Variants in SLC24A3 observed in about 807,000 individuals in gnomAD.
SLC24A3 encodes the protein sodium/potassium/calcium exchanger 3.
Under a neutral mutation model 75.8 loss-of-function variants are expected in SLC24A3, and 28 were observed. That is an observed-to-expected ratio of 0.37 (90% CI 0.27 to 0.51). The LOEUF is 0.51. Among genes scored for constraint, SLC24A3 ranks in the 20% least tolerant of loss-of-function variants. The pLI is 0.94. For missense variants in SLC24A3, 663 were observed against 847.8 expected, an observed-to-expected ratio of 0.78 and a Z score of 2.71; for synonymous variants, 372 against 334.1, an observed-to-expected ratio of 1.11 and a Z score of -1.24.
intron 3 of SLC24A3, among the ~76,000 whole-genome samples, chr20:19,558,477 A>C (rs1358113673): frequency 6.6e-6 from 1 of 152,090 alleles, no homozygotes; most frequent in Non-Finnish European, 1.5e-5. Context: ...AAACTTCACC[A>C]GTTTTCCCAC....
At chr20:19,572,440 T>C (rs114319336) in intron 3 of SLC24A3, among the ~76,000 whole-genome samples, 1 of 152,224 alleles carries the variant, frequency 6.6e-6, no homozygotes, top group African/African-American at 2.4e-5. Context: ...GCTGGGAAAC[T>C]CTGGAGACAG....
chr20:19,449,854 C>A (rs766974638), intron 2 of SLC24A3, among the ~76,000 whole-genome samples: 1 of 152,172 alleles, frequency 6.6e-6, no homozygotes. Flanking sequence ...ATTCCAGATA[C>A]GCTTTATCTT....
intron 2 of SLC24A3, among the ~76,000 whole-genome samples, chr20:19,407,754 A>T (rs1023896991): frequency 6.6e-6 from 1 of 152,204 alleles, no homozygotes; most frequent in Non-Finnish European, 1.5e-5. Context: ...TGAATCTTTT[A>T]TATTTTAGCA....
intron 7 of SLC24A3, among the ~76,000 whole-genome samples, chr20:19,662,435 C>T (rs766892407): frequency 1.9e-4 from 29 of 152,244 alleles, no homozygotes; most frequent in Non-Finnish European, 3.1e-4. Flanking sequence ...CGGCTAAAGC[C>T]GCCTTCAGTA....
intron 2 of SLC24A3, among the ~76,000 whole-genome samples, chr20:19,372,313 TA>T (rs1300567474): frequency 1.3e-5 from 2 of 152,034 alleles, no homozygotes; most frequent in African/African-American, 4.8e-5. Context: ...AAAGAGACCA[TA>T]AAGGAATCAT....
intron 15 of SLC24A3, among the ~76,000 whole-genome samples, chr20:19,709,594 C>G (rs1184170106): frequency 6.6e-6 from 1 of 151,946 alleles, no homozygotes; most frequent in African/African-American, 2.4e-5. Flanking sequence ...TGCACTCCAG[C>G]CTGGGTGACA....
intron 2 of SLC24A3, among the ~76,000 whole-genome samples, chr20:19,339,804 T>C (rs1263902138): frequency 6.6e-6 from 1 of 152,180 alleles, no homozygotes; most frequent in African/African-American, 2.4e-5. Context: ...GCATGTTTGA[T>C]AAATTAGGCT....
intron 2 of SLC24A3, among the ~76,000 whole-genome samples, chr20:19,440,616 G>A (rs1054910194): frequency 6.7e-6 from 1 of 148,580 alleles, no homozygotes; most frequent in Non-Finnish European, 1.5e-5. Flanking sequence ...GAAAAATCTA[G>A]AAACAGTTCC....
At chr20:19,620,694 G>A (rs1234698456) in intron 6 of SLC24A3, among the ~76,000 whole-genome samples, 4 of 152,286 alleles carry the variant, frequency 2.6e-5, no homozygotes, top group Middle Eastern at 3.4e-3. Flanking sequence ...GATGATTAAC[G>A]CATGTGTTGC....
chr20:19,329,432 C>T (rs945166509), intron 2 of SLC24A3, among the ~76,000 whole-genome samples: 1 of 152,114 alleles, frequency 6.6e-6, no homozygotes, highest in African/African-American at 2.4e-5. Flanking sequence ...TCAGTAGAGC[C>T]GGTCATTATT....
intron 7 of SLC24A3, among the ~76,000 whole-genome samples, chr20:19,654,393 C>T (rs2032241274): frequency 6.6e-6 from 1 of 152,080 alleles, no homozygotes; most frequent in Admixed American, 6.6e-5. Context: ...TCCTGAGACC[C>T]TCGTGAGCAT....
intron 2 of SLC24A3, among the ~76,000 whole-genome samples, chr20:19,481,920 C>T (rs1988061002): frequency 6.6e-6 from 1 of 152,088 alleles, no homozygotes; most frequent in Admixed American, 6.6e-5. Context: ...ATAGGCTTTT[C>T]AAATGCTACA....
intron 2 of SLC24A3, among the ~76,000 whole-genome samples, chr20:19,326,202 G>T (rs1318663521): frequency 6.6e-6 from 1 of 152,064 alleles, no homozygotes; most frequent in Non-Finnish European, 1.5e-5. Context: ...AGTGCTTCAT[G>T]AAGGGCCCCC....
intron 1 of SLC24A3, among the ~76,000 whole-genome samples, chr20:19,217,421 A>G (rs1404095693): frequency 1.3e-5 from 2 of 152,246 alleles, no homozygotes; most frequent in Non-Finnish European, 2.9e-5. Context: ...ATGCATACAT[A>G]CAAACATATA....
At chr20:19,630,309 A>G (rs894436376) in intron 6 of SLC24A3, among the ~76,000 whole-genome samples, 3 of 152,218 alleles carry the variant, frequency 2.0e-5, no homozygotes, top group Admixed American at 6.5e-5. Context: ...TAATAACAGT[A>G]AGTTTGGAGA....
chr20:19,397,994 A>G (rs1986486745), intron 2 of SLC24A3, among the ~76,000 whole-genome samples: 1 of 152,256 alleles, frequency 6.6e-6, no homozygotes, highest in Non-Finnish European at 1.5e-5. Context: ...GAGGAATAAT[A>G]ACCTACCTTA....
chr20:19,242,894 T>A (rs764237308), intron 1 of SLC24A3, among the ~76,000 whole-genome samples: 34 of 152,218 alleles, frequency 2.2e-4, no homozygotes, highest in Non-Finnish European at 4.6e-4. Flanking sequence ...TCAAATGCAA[T>A]GAAAAGTAAG....
At chr20:19,574,554 C>G (rs2031101694) in intron 3 of SLC24A3, among the ~76,000 whole-genome samples, 1 of 152,238 alleles carries the variant, frequency 6.6e-6, no homozygotes, top group Admixed American at 6.5e-5. Context: ...CAGCTAATCT[C>G]TGACAGCCTT....
chr20:19,470,201 C>A (rs1987845735), intron 2 of SLC24A3, among the ~76,000 whole-genome samples: 1 of 152,200 alleles, frequency 6.6e-6, no homozygotes, highest in Admixed American at 6.5e-5. Flanking sequence ...TGCAAATATC[C>A]TTTCTTTTCC....
Sources: allele counts gnomAD v4.1 joint callset (sites outside exome capture counted in the v4.1 genomes callset), GRCh38; gene constraint gnomAD v4.1.1; transcripts MANE v1.5; gene names NCBI Gene and HGNC (gene_info 2026-07-23, HGNC 2026-07-21).